Variants in COL28A1 observed in about 807,000 individuals in gnomAD.
The protein encoded by COL28A1 is collagen alpha-1(XXVIII) chain.
A neutral mutation model predicts 150.2 loss-of-function variants in COL28A1; 161 were observed. That is an observed-to-expected ratio of 1.07 (90% CI 0.94 to 1.22). The LOEUF (loss-of-function observed/expected upper bound fraction) is 1.22, where lower values mean the gene tolerates loss of function less well. Ranked by LOEUF, COL28A1 falls within the 50% of genes most tolerant of loss-of-function variation. The pLI, the probability that COL28A1 is intolerant of heterozygous loss-of-function variation, is 0.00. For missense variants in COL28A1, 1,617 were observed against 1,388.3 expected, an observed-to-expected ratio of 1.16 and a Z score of -2.62; for synonymous variants, 552 against 469.7, an observed-to-expected ratio of 1.18 and a Z score of -2.26.
chr7:7,441,028 C>A (rs1306166658), intron 20 of COL28A1, among the ~76,000 whole-genome samples, 167 bp from the exon 21 acceptor site: 1 of 152,210 alleles, frequency 6.6e-6, no homozygotes, highest in East Asian at 1.9e-4. Context: ...TTGAGGAGAT[C>A]AGATGACTTC....
At chr7:7,485,557 T>C (rs1422813443) in intron 13 of COL28A1, among the ~76,000 whole-genome samples, 1 of 152,162 alleles carries the variant, frequency 6.6e-6, no homozygotes, top group Non-Finnish European at 1.5e-5. Context: ...CCTAAAGATT[T>C]TCTCATATGT....
intron 14 of COL28A1, among the ~76,000 whole-genome samples, chr7:7,475,956 C>T (rs1788836523): frequency 6.6e-6 from 1 of 152,158 alleles, no homozygotes; most frequent in Non-Finnish European, 1.5e-5. Context: ...ACCCAGCAGT[C>T]ACTCAAAACT....
intron 9 of COL28A1, 83 bp downstream of exon 9, chr7:7,511,008 A>T (rs1781102886): frequency 1.8e-6 from 2 of 1,081,502 alleles, no homozygotes; most frequent in South Asian, 2.6e-5. Flanking sequence ...AGATCACCAT[A>T]ATTCAGCCCA....
chr7:7,379,732 A>G (rs1246169339), intron 30 of COL28A1, among the ~76,000 whole-genome samples: 1 of 152,188 alleles, frequency 6.6e-6, no homozygotes, highest in Non-Finnish European at 1.5e-5. Context: ...GCAGGTATAA[A>G]CCTACAGGGA....
chr7:7,452,301 G>C lies in COL28A1; in HGVS notation c.1509+18C>G, dbSNP rs747292796. ...TTACATAAAGTATCATATCACTTCT[G>C]AGCAGCAGTCAACTCACCTTTGGAC... is the stretch of plus-strand genomic sequence containing the variant. On this transcript the variant is annotated intron_variant, in intron 18 of 34. Coordinates refer to ENST00000399429, the MANE Select transcript of COL28A1 (RefSeq NM_001037763.3). 2 of 1,598,004 alleles carry C rather than the reference G, an allele frequency of 1.3e-6. No individual in the cohort carries two copies. The highest frequency in any genetic ancestry group is 1.8e-5 in the Admixed American group (1 of 54,510).
At chr7:7,428,387 C>G (rs1218996302) in intron 25 of COL28A1, among the ~76,000 whole-genome samples, 2 of 152,116 alleles carry the variant, frequency 1.3e-5, no homozygotes, top group Non-Finnish European at 2.9e-5. Context: ...CTGTACCTGC[C>G]CTTAGTGAAC....
intron 15 of COL28A1, among the ~76,000 whole-genome samples, chr7:7,466,299 G>A (rs963404752): frequency 5.6e-5 from 8 of 143,878 alleles, no homozygotes; most frequent in African/African-American, 1.6e-4. Context: ...CGAGAACTAC[G>A]TGAAGAATGC....
At chr7:7,538,614 G>A (rs896832070), upstream of COL28A1, among the ~76,000 whole-genome samples, 2 of 152,040 alleles carry the variant, frequency 1.3e-5, no homozygotes, top group Non-Finnish European at 2.9e-5. Flanking sequence ...TCTAGTACCA[G>A]TGCCAACATC....
At chr7:7,455,972 T>A (rs1787132899) in intron 16 of COL28A1, 72 bp downstream of exon 16, 7 of 1,600,152 alleles carry the variant, frequency 4.4e-6, no homozygotes, top group Non-Finnish European at 6.0e-6. Context: ...TTTGCAGGAC[T>A]GGCCTTCAAT....
At chr7:7,514,914 G>C (rs545986504) in intron 8 of COL28A1, among the ~76,000 whole-genome samples, 1 of 152,270 alleles carries the variant, frequency 6.6e-6, no homozygotes, top group African/African-American at 2.4e-5. Context: ...ATATGGAAAG[G>C]AGGTTTTTGT....
rs17167064 is a variant in COL28A1 at position 7,377,411 on chromosome 7, G to A, written c.2323-1914C>T. Among the ~76,000 whole-genome samples, 1,046 of 152,232 alleles carry A rather than the reference G, an allele frequency of 6.9e-3. 11 individuals are homozygous for A. Among genetic ancestry groups the A allele is most frequent in the African/African-American group, 0.023 (944 of 41,550 alleles). On this transcript the variant is annotated intron_variant, in intron 30 of 34. Transcript: ENST00000399429. The stretch of plus-strand genomic sequence containing the variant: ...AGCAGACAAACGAAGACTTTCATAA[G>A]TGCTATGGAGAGCCAAGGAACCATC...
chr7:7,519,970 C>G, intron 6 of COL28A1, 92 bp downstream of exon 6: 1 of 728,856 alleles, frequency 1.4e-6, no homozygotes, highest in Non-Finnish European at 2.4e-6. Context: ...TTGCCATATA[C>G]TACAATGCTT....
At chr7:7,489,325 A>G (rs1180787358) in intron 13 of COL28A1, 64 bp downstream of exon 13, 2 of 857,296 alleles carry the variant, frequency 2.3e-6, no homozygotes, top group African/African-American at 3.3e-5. Context: ...TTTATCCTAA[A>G]CAGAAAGAAC....
chr7:7,382,274 C>T (rs1377268725), intron 27 of COL28A1, among the ~76,000 whole-genome samples: 1 of 151,498 alleles, frequency 6.6e-6, no homozygotes, highest in Admixed American at 6.6e-5. Flanking sequence ...TGCACCACTG[C>T]ACTCCAGCCT....
intron 14 of COL28A1, among the ~76,000 whole-genome samples, chr7:7,475,292 G>A (rs1788771597): frequency 6.6e-6 from 1 of 152,092 alleles, no homozygotes; most frequent in Non-Finnish European, 1.5e-5. Context: ...ATCAGAAGCA[G>A]CATTCATTTA....
intron 11 of COL28A1, among the ~76,000 whole-genome samples, chr7:7,497,080 A>G: frequency 7.2e-6 from 1 of 138,232 alleles, no homozygotes. Flanking sequence ...AAAGGAAGGA[A>G]GAAAGGAAGG....
At chr7:7,440,531 G>T (rs531770299) in intron 21 of COL28A1, among the ~76,000 whole-genome samples, 4 of 152,228 alleles carry the variant, frequency 2.6e-5, no homozygotes, top group African/African-American at 9.6e-5. Flanking sequence ...CTGAATATTT[G>T]GTTGTTACTA....
At chr7:7,400,029 A>G (rs1197881025) in intron 27 of COL28A1, among the ~76,000 whole-genome samples, 2 of 152,236 alleles carry the variant, frequency 1.3e-5, no homozygotes, top group African/African-American at 4.8e-5. Context: ...AGGATTCCAT[A>G]AAAGGTTGTA....
intron 27 of COL28A1, among the ~76,000 whole-genome samples, chr7:7,412,243 A>C (rs1483058562): frequency 6.6e-6 from 1 of 152,086 alleles, no homozygotes; most frequent in East Asian, 1.9e-4. Context: ...TGTAAGTGAT[A>C]AAGAGGCCCA....
Sources: gnomAD v4.1 joint callset for allele counts (sites outside exome capture counted in the v4.1 genomes callset) on GRCh38, gnomAD v4.1.1 for gene constraint, MANE v1.5 for transcripts, NCBI Gene and HGNC (gene_info 2026-07-23, HGNC 2026-07-21) for gene names.